ZNF469: variants seen among roughly 807,000 people sequenced by gnomAD.
ZNF469 encodes the protein zinc finger protein 469.
A neutral mutation model predicts 1.0 loss-of-function variants in ZNF469; 1 was observed. The ratio of observed to expected loss-of-function variants is 1.00; its 90% CI spans 0.35 to 4.73. The LOEUF (loss-of-function observed/expected upper bound fraction) is 4.73. Among genes scored for constraint, ZNF469 ranks in the 30% most tolerant of loss-of-function variants. The probability of loss-of-function intolerance (pLI) is 0.16; values close to 1 mark genes in which losing one functional copy is unlikely to be tolerated. For synonymous variants in ZNF469, 2,703 were observed against 2,363.4 expected, an observed-to-expected ratio of 1.14 and a Z score of -4.17; for missense variants, 6,100 against 5,356.3, an observed-to-expected ratio of 1.14 and a Z score of -4.33.
the ZNF469 span, among the ~76,000 whole-genome samples, chr16:88,203,680 A>T: frequency 6.6e-6 from 1 of 150,390 alleles, no homozygotes; most frequent in South Asian, 2.1e-4. Context: ...TGGCCATGCC[A>T]CTCCAGTCCC....
the ZNF469 span, among the ~76,000 whole-genome samples, chr16:88,230,344 C>G: frequency 6.6e-6 from 1 of 152,192 alleles, no homozygotes; most frequent in Admixed American, 6.5e-5. Context: ...TGGGCCTGGG[C>G]CCCCAGAGGC....
the ZNF469 span, among the ~76,000 whole-genome samples, chr16:88,321,148 G>A: frequency 6.6e-6 from 1 of 152,252 alleles, no homozygotes; most frequent in Admixed American, 6.5e-5. Flanking sequence ...AGCTCCTCCT[G>A]TCCAGGCTGT....
chr16:88,173,577 G>T, the ZNF469 span, among the ~76,000 whole-genome samples: 6 of 152,222 alleles, frequency 3.9e-5, no homozygotes, highest in Admixed American at 3.3e-4. Context: ...AGTAATTACA[G>T]AGATAAATGC....
the ZNF469 span, among the ~76,000 whole-genome samples, chr16:88,322,553 G>C: frequency 6.6e-6 from 1 of 152,204 alleles, no homozygotes; most frequent in Non-Finnish European, 1.5e-5. Context: ...CGGGAGCTAC[G>C]GCAAGTCCGG....
the ZNF469 span, among the ~76,000 whole-genome samples, chr16:88,164,554 C>A: frequency 0.013 from 2,007 of 152,224 alleles, 58 homozygotes; most frequent in Admixed American, 0.053. Flanking sequence ...GGGTATGTGG[C>A]CTGAACCTCG....
At chr16:88,277,563 G>A in the ZNF469 span, among the ~76,000 whole-genome samples, 733 of 114,040 alleles carry the variant, frequency 6.4e-3, 2 homozygotes, top group African/African-American at 0.022. Flanking sequence ...GGTCAGTACC[G>A]TGTAGATATC....
the ZNF469 span, among the ~76,000 whole-genome samples, chr16:88,293,437 G>A: frequency 6.6e-6 from 1 of 152,062 alleles, no homozygotes; most frequent in South Asian, 2.1e-4. Context: ...GGTTAAATCG[G>A]TACGTGGTAA....
At chr16:88,172,108 GA>G in the ZNF469 span, among the ~76,000 whole-genome samples, 6 of 152,246 alleles carry the variant, frequency 3.9e-5, no homozygotes, top group African/African-American at 7.2e-5. Flanking sequence ...AGAGGAGATA[GA>G]AATGAGTTCA....
chr16:88,102,768 G>T, the ZNF469 span, among the ~76,000 whole-genome samples: 1 of 152,216 alleles, frequency 6.6e-6, no homozygotes, highest in Non-Finnish European at 1.5e-5. Context: ...AGGTGGGGGT[G>T]GTGGGTCACT....
the ZNF469 span, among the ~76,000 whole-genome samples, chr16:88,215,389 T>C: frequency 2.2e-4 from 28 of 129,586 alleles, no homozygotes; most frequent in Non-Finnish European, 3.9e-4. Context: ...TTTAATTTTT[T>C]TTTTTTTTTT....
chr16:88,283,295 TAA>T, the ZNF469 span, among the ~76,000 whole-genome samples: 14 of 135,720 alleles, frequency 1.0e-4, no homozygotes, highest in Admixed American at 1.5e-4. Flanking sequence ...ACATTTTAAC[TAA>T]AAAAAAAAAA....
intron 1 of ZNF469, among the ~76,000 whole-genome samples, chr16:88,419,106 C>T (rs1304016406): frequency 6.6e-6 from 1 of 152,224 alleles, no homozygotes; most frequent in Non-Finnish European, 1.5e-5. Flanking sequence ...CTTGCTGTCT[C>T]GGGTGACCTG....
At chr16:88,235,215 G>T in the ZNF469 span, among the ~76,000 whole-genome samples, 2 of 152,116 alleles carry the variant, frequency 1.3e-5, no homozygotes, top group Non-Finnish European at 2.9e-5. Flanking sequence ...TCGAAGCCAC[G>T]GGGTCTCTCC....
At chr16:88,328,164 C>T in the ZNF469 span, among the ~76,000 whole-genome samples, 1 of 152,234 alleles carries the variant, frequency 6.6e-6, no homozygotes, top group African/African-American at 2.4e-5. Context: ...GCTTCTCGCC[C>T]GGGGCTGCTG....
At chr16:88,380,821 C>G (rs111067838), upstream of ZNF469, among the ~76,000 whole-genome samples, 27 of 137,376 alleles carry the variant, frequency 2.0e-4, no homozygotes, top group African/African-American at 7.8e-4. Flanking sequence ...CACCCAGACA[C>G]ACACACACAC....
the ZNF469 span, among the ~76,000 whole-genome samples, chr16:88,220,459 G>T: frequency 1.3e-5 from 2 of 152,210 alleles, no homozygotes; most frequent in Non-Finnish European, 2.9e-5. Context: ...CCCGGATGAA[G>T]TGTGCTGCAA....
chr16:88,226,591 G>T, the ZNF469 span, among the ~76,000 whole-genome samples: 1 of 152,110 alleles, frequency 6.6e-6, no homozygotes, highest in Non-Finnish European at 1.5e-5. Context: ...TCTTACGGCA[G>T]CTCAAGAGAC....
intron 1 of ZNF469, among the ~76,000 whole-genome samples, chr16:88,385,358 C>T (rs987925638): frequency 4.6e-5 from 7 of 152,034 alleles, no homozygotes; most frequent in Non-Finnish European, 7.4e-5. Context: ...ATTCAGTTAC[C>T]AGCCGGGGAT....
the ZNF469 span, among the ~76,000 whole-genome samples, chr16:88,151,825 T>G: frequency 2.6e-5 from 4 of 152,306 alleles, 1 homozygote; most frequent in Admixed American, 2.6e-4. The surrounding 1 kb of genome is among the most constrained non-coding windows in gnomAD (Gnocchi z 5.4). Context: ...TCCAACAATT[T>G]TTAAGGCACC....
Sources: allele counts gnomAD v4.1 joint callset (sites outside exome capture counted in the v4.1 genomes callset), GRCh38; gene constraint gnomAD v4.1.1; non-coding constraint Gnocchi (gnomAD v3.1); transcripts MANE v1.5; gene names NCBI Gene and HGNC (gene_info 2026-07-23, HGNC 2026-07-21).